INSC: variants seen among roughly 807,000 people sequenced by gnomAD.
INSC encodes protein inscuteable homolog.
Under a neutral mutation model 58.6 loss-of-function variants are expected in INSC, and 67 were observed. The ratio of observed to expected loss-of-function variants is 1.14; its 90% CI spans 0.94 to 1.40. The LOEUF is 1.40. Ranked by LOEUF, INSC falls within the 40% of genes most tolerant of loss-of-function variation. INSC has a pLI of 0.00. For missense variants in INSC, 714 were observed against 692.0 expected (o/e 1.03, Z -0.36); for synonymous variants, 262 against 276.1 (o/e 0.95, Z 0.51).
the INSC span, among the ~76,000 whole-genome samples, chr11:15,264,826 T>C: frequency 3.3e-5 from 5 of 152,110 alleles, no homozygotes; most frequent in African/African-American, 7.2e-5. Flanking sequence ...ATGTAACCTA[T>C]TGATAGGTTC....
chr11:15,132,690 A>G (rs1340558903), intron 1 of INSC, among the ~76,000 whole-genome samples: 2 of 152,196 alleles, frequency 1.3e-5, no homozygotes, highest in Non-Finnish European at 2.9e-5. Context: ...ATGATATTAC[A>G]TTCTTTCTGC....
At chr11:15,239,830 A>G (rs919572290) in intron 11 of INSC, among the ~76,000 whole-genome samples, 5 of 152,138 alleles carry the variant, frequency 3.3e-5, no homozygotes, top group African/African-American at 1.2e-4. Flanking sequence ...AGTTGCTCCT[A>G]TGTGAAGGCT....
intron 12 of INSC, among the ~76,000 whole-genome samples, chr11:15,244,769 G>T (rs150933689): frequency 6.6e-6 from 1 of 152,124 alleles, no homozygotes; most frequent in Non-Finnish European, 1.5e-5. Context: ...TGCTTCTTTT[G>T]CCATTCTAGA....
intron 1 of INSC, among the ~76,000 whole-genome samples, chr11:15,148,086 C>T (rs1848539715): frequency 6.6e-6 from 1 of 152,182 alleles, no homozygotes; most frequent in South Asian, 2.1e-4. Context: ...GAGAAAAATA[C>T]AAACAGGTGG....
At chr11:15,138,737 T>A (rs1848304329) in intron 1 of INSC, among the ~76,000 whole-genome samples, 1 of 152,214 alleles carries the variant, frequency 6.6e-6, no homozygotes, top group Non-Finnish European at 1.5e-5. Flanking sequence ...TATTATTATT[T>A]CACTTTCTCT....
At position 15,195,907 on chromosome 11, in the gene INSC, A is replaced by T. The variant is rs59313608; in HGVS notation, c.694-4917A>T. Among the ~76,000 whole-genome samples, 5 of 152,340 alleles carry T rather than the reference A, an allele frequency of 3.3e-5. No individual in the cohort carries two copies. The East Asian group carries it at 9.7e-4, about 29-fold the overall frequency. ...GCTGCCTGACTTTCCCAGTGTTTTC[A>T]TGGGAAAAGTAAGGGTGCAATTTTA... On this transcript the variant is annotated intron_variant, in intron 6 of 12. Transcript: ENST00000379556.
chr11:15,114,853 G>C (rs1257430503), upstream of INSC: 2 of 819,690 alleles, frequency 2.4e-6, no homozygotes, highest in East Asian at 1.3e-4. Flanking sequence ...GAGGGCGGGC[G>C]GGGGAGAACG....
At chr11:15,201,064 T>A (rs1850571864) in intron 7 of INSC, 115 bp downstream of exon 7, 1 of 1,296,598 alleles carries the variant, frequency 7.7e-7, no homozygotes, top group Admixed American at 2.3e-5. Context: ...GAGTAGTCCT[T>A]TTCCCAGGCA....
chr11:15,228,657 T>C (rs1429868709), intron 9 of INSC, among the ~76,000 whole-genome samples: 1 of 152,226 alleles, frequency 6.6e-6, no homozygotes, highest in Non-Finnish European at 1.5e-5. Context: ...GGAGATTAAA[T>C]GCCCCATGAG....
intron 12 of INSC, among the ~76,000 whole-genome samples, chr11:15,244,646 C>T (rs1852490816): frequency 6.6e-6 from 1 of 152,112 alleles, no homozygotes; most frequent in Non-Finnish European, 1.5e-5. Flanking sequence ...CCCCTCTGAG[C>T]CCTAGTTTCC....
At chr11:15,204,552 C>T (rs1364252041) in intron 7 of INSC, among the ~76,000 whole-genome samples, 1 of 152,200 alleles carries the variant, frequency 6.6e-6, no homozygotes, top group African/African-American at 2.4e-5. Flanking sequence ...CTCAGCACTG[C>T]CCACAGAGGC....
chr11:15,268,045 C>T, the INSC span, among the ~76,000 whole-genome samples: 2 of 152,000 alleles, frequency 1.3e-5, no homozygotes, highest in African/African-American at 4.8e-5. Flanking sequence ...CCAACCTCTG[C>T]CTGCATTCCA....
At chr11:15,251,546 T>C (rs67123574), downstream of INSC, among the ~76,000 whole-genome samples, 9,273 of 152,244 alleles carry the variant, frequency 0.061, 353 homozygotes, top group East Asian at 0.1. Context: ...TAAATTCTTA[T>C]AATTAAACAA....
rs140254270 is a variant in INSC at position 15,240,534 on chromosome 11, A to G, written c.1470+11A>G. The G allele has an allele frequency of 6.2e-7, 1 of 1,610,830 alleles. No homozygotes were observed. The highest frequency in any genetic ancestry group is 8.5e-7 in the Non-Finnish European group (1 of 1,178,246). Reference sequence around the variant, plus strand: ...CTTGTGGCCTGCCTGGTGAGTTCTCAGTCTTCCCCCAGCTTTTCCCCTGGC... The same window carrying G: ...CTTGTGGCCTGCCTGGTGAGTTCTCGGTCTTCCCCCAGCTTTTCCCCTGGC... On this transcript the variant is annotated intron_variant, in intron 12 of 12. Coordinates refer to ENST00000379556, the MANE Select transcript of INSC (RefSeq NM_001042536.3).
At chr11:15,141,106 T>C (rs937969066) in intron 1 of INSC, among the ~76,000 whole-genome samples, 14 of 152,116 alleles carry the variant, frequency 9.2e-5, no homozygotes, top group Admixed American at 7.9e-4. Flanking sequence ...TTATTATTAC[T>C]ACAAGGGGGT....
At chr11:15,182,799 A>G (rs902833155) in intron 5 of INSC, among the ~76,000 whole-genome samples, 1 of 152,050 alleles carries the variant, frequency 6.6e-6, no homozygotes, top group Admixed American at 6.6e-5. Context: ...TTCAATTTTC[A>G]TTTGTTTTCT....
chr11:15,237,208 C>G (rs1852165016), intron 10 of INSC, among the ~76,000 whole-genome samples: 1 of 152,158 alleles, frequency 6.6e-6, no homozygotes, highest in East Asian at 1.9e-4. Context: ...ACAGTCTAGA[C>G]AGAGAGCACA....
chr11:15,227,759 A>G (rs767535047), intron 9 of INSC, among the ~76,000 whole-genome samples: 1 of 152,132 alleles, frequency 6.6e-6, no homozygotes, highest in Non-Finnish European at 1.5e-5. Context: ...ACTTTTTGTG[A>G]TCCGCCTTAC....
intron 2 of INSC, among the ~76,000 whole-genome samples, chr11:15,164,575 C>T (rs1472393893): frequency 6.6e-6 from 1 of 152,182 alleles, no homozygotes; most frequent in Admixed American, 6.5e-5. Context: ...ATTGGAAAGG[C>T]AAATCTCCTT....
Sources: gnomAD v4.1 joint callset for allele counts (sites outside exome capture counted in the v4.1 genomes callset) on GRCh38, gnomAD v4.1.1 for gene constraint, MANE v1.5 for transcripts, NCBI Gene and HGNC (gene_info 2026-07-23, HGNC 2026-07-21) for gene names.